The following DYNC2H1 variants were observed in gnomAD, a reference collection of about 807,000 sequenced individuals.
DYNC2H1 encodes the protein cytoplasmic dynein 2 heavy chain 1.
Under a neutral mutation model 570.0 loss-of-function variants are expected in DYNC2H1, and 410 were observed. The ratio of observed to expected loss-of-function variants is 0.72; its 90% CI spans 0.66 to 0.78. The LOEUF is 0.78. DYNC2H1 is among the 30% of genes least tolerant of loss of function. The pLI is 0.00. For synonymous variants in DYNC2H1, 1,688 were observed against 1,677.6 expected (o/e 1.01, Z -0.15); for missense variants, 4,865 against 5,046.4 (o/e 0.96, Z 1.09).
intron 84 of DYNC2H1, among the ~76,000 whole-genome samples, chr11:103,418,018 AAGATT>A (rs1297953782): frequency 1.6e-4 from 25 of 152,126 alleles, no homozygotes; most frequent in African/African-American, 5.3e-4. Context: ...TTAGCAAACT[AAGATT>A]AGAAGTGAAC....
intron 84 of DYNC2H1, among the ~76,000 whole-genome samples, chr11:103,426,076 G>A (rs564514097): frequency 5.3e-5 from 8 of 150,710 alleles, no homozygotes; most frequent in East Asian, 2.0e-4. Flanking sequence ...GGCTTAAGGC[G>A]TTCCTAAACC....
intron 75 of DYNC2H1, among the ~76,000 whole-genome samples, chr11:103,290,802 C>T (rs1001993546): frequency 1.3e-5 from 2 of 152,080 alleles, no homozygotes; most frequent in African/African-American, 4.8e-5. Flanking sequence ...CTCAAGGGTT[C>T]ATAATATTCT....
Position 103,133,623 on chromosome 11 carries a change from T to G in DYNC2H1, c.2022T>G (p.Tyr674Ter). ...TWDNPKELEG[Y>*]IQKLQNAAER... ...ATAATCCTAAAGAATTAGAAGGCTA[T>G]ATCCAAAAACTCCAAAATGCTGCTG... The change falls in exon 14 of 89, where the codon TAT (tyrosine) becomes TAG (stop). Residue 674 changes from tyrosine (Y) to a stop codon, truncating the protein, a stop_gained. Coordinates refer to ENST00000375735, the MANE Select transcript of DYNC2H1 (RefSeq NM_001377.3). LOFTEE classifies it high-confidence loss of function. This position sits in a 1 kb window ranked among gnomAD's most constrained non-coding sequence, Gnocchi z 4.8. The G allele has an allele frequency of 6.2e-7, 1 of 1,613,030 alleles. No homozygotes were observed. Among genetic ancestry groups the G allele is most frequent in the Non-Finnish European group, 8.5e-7 (1 of 1,179,626 alleles).
rs576131731 is a variant in DYNC2H1 at position 103,156,436 on chromosome 11, C to T, written c.3793C>T (p.Arg1265Cys). The T allele has an allele frequency of 3.2e-5, 52 of 1,613,566 alleles. No homozygotes were observed. The highest frequency in any genetic ancestry group is 2.5e-4 in the South Asian group (23 of 91,036). Reference sequence around the variant, plus strand: ...TGAAGTTACAATCAGAGAAGCTTTACGTGAACTTGATCTTTGGGGAGTTGG... The same window carrying T: ...TGAAGTTACAATCAGAGAAGCTTTATGTGAACTTGATCTTTGGGGAGTTGG... ...QGEVTIREALRELDLWGVGAV... is the reference protein window; with the variant it reads ...QGEVTIREALCELDLWGVGAV... Residue 1265 changes from arginine to cysteine, a missense_variant, in exon 26 of 89, where the codon CGT (arginine) becomes TGT (cysteine). Coordinates refer to ENST00000375735, the MANE Select transcript of DYNC2H1 (RefSeq NM_001377.3).
At chr11:103,355,353 GTAAATAATC>G (rs1385711981) in intron 82 of DYNC2H1, among the ~76,000 whole-genome samples, 1 of 152,080 alleles carries the variant, frequency 6.6e-6, no homozygotes, top group Non-Finnish European at 1.5e-5. Context: ...TAACAAAAAT[GTAAATAATC>G]TACTAGGATA....
chr11:103,156,410 G>A lies in DYNC2H1; in HGVS notation c.3767G>A (p.Gly1256Asp). Residue 1256 changes from glycine (G) to aspartate (D), a missense_variant, in exon 26 of 89, where the codon GGT becomes GAT. Gly to Asp is a moderately conservative substitution (Grantham distance 94). This residue lies in a region of DYNC2H1 where 1,936 missense variants were observed against 1,962.1 expected (regional missense o/e 0.99). Transcript: ENST00000375735. ...TAGGATTTAAATAGTCGGGCACAAG[G>A]TGAAGTTACAATCAGAGAAGCTTTA... is the stretch of plus-strand genomic sequence containing the variant. ...DLKDLNSRAQ[G>D]EVTIREALRE... The A allele has an allele frequency of 6.2e-7, 1 of 1,613,420 alleles. No homozygotes were observed. Among genetic ancestry groups the A allele is most frequent in the Non-Finnish European group, 8.5e-7 (1 of 1,179,634 alleles).
At chr11:103,442,393 A>G (rs1225971723) in intron 85 of DYNC2H1, among the ~76,000 whole-genome samples, 2 of 152,170 alleles carry the variant, frequency 1.3e-5, no homozygotes, top group Admixed American at 6.5e-5. Flanking sequence ...CCATCACAGT[A>G]TGAACTTAGG....
At chr11:103,222,214 A>C in intron 58 of DYNC2H1, 61 bp downstream of exon 58, 1 of 1,217,852 alleles carries the variant, frequency 8.2e-7, no homozygotes, top group South Asian at 1.8e-5. Flanking sequence ...CTGCTTTTTA[A>C]AATGTGGTGC....
At chr11:103,171,261 CT>C (rs1464035686) in intron 34 of DYNC2H1, among the ~76,000 whole-genome samples, 193 bp downstream of exon 34, 4 of 150,790 alleles carry the variant, frequency 2.7e-5, no homozygotes, top group African/African-American at 4.9e-5. Flanking sequence ...TTTCATTATT[CT>C]TTTTTTTTGG....
rs772301450 is a variant in DYNC2H1 at position 103,311,950 on chromosome 11, G to A, written c.11566G>A (p.Asp3856Asn). 1.2e-6 allele frequency: 2 copies of A among 1,613,750 alleles called. No individual in the cohort carries two copies. Among genetic ancestry groups the A allele is most frequent in the Admixed American group, 1.7e-5 (1 of 59,980 alleles). ...GACTCCTGAGCAAATTAGCAAAAAA[G>A]ATAATACACATCGAGCTCATGCTCT... ...SWTPEQISKK[D>N]NTHRAHALFS... The change falls in exon 79 of 89, where the codon GAT becomes AAT. Residue 3856 changes from aspartate (D) to asparagine (N), a missense_variant. Physicochemically the swap from Asp to Asn is conservative, Grantham distance 23. This residue lies in a region of DYNC2H1 where 2,401 missense variants were observed against 2,454.6 expected (regional missense o/e 0.98). Coordinates refer to ENST00000375735, the MANE Select transcript of DYNC2H1 (RefSeq NM_001377.3).
In DYNC2H1 at chr11:103,203,988, A is replaced by G. The variant is rs967701458; in HGVS notation, c.8311+212A>G. Among the ~76,000 whole-genome samples, 1 of 152,164 alleles carries G rather than the reference A, an allele frequency of 6.6e-6. No homozygotes were observed. The highest frequency in any genetic ancestry group is 1.5e-5 in the Non-Finnish European group (1 of 68,026). On this transcript the variant is annotated intron_variant, in intron 51 of 88. Coordinates refer to ENST00000375735, the MANE Select transcript of DYNC2H1 (RefSeq NM_001377.3). This position sits in a 1 kb window ranked among gnomAD's most constrained non-coding sequence, Gnocchi z 4.7. ...TCCACTACTGATAAAGACTTACCTG[A>G]CACTGAGCAATTTACAAAAGAAAGA...
At position 103,307,731 on chromosome 11, in the gene DYNC2H1, C is replaced by T; in HGVS notation, c.11393C>T (p.Thr3798Ile). ...GGTTTTGTAAACAAGGAATTGAATA[C>T]TCTTCAACCTAAAGATACCTTTCGT... is the stretch of plus-strand genomic sequence containing the variant. ...WLPVLEKELNTLQPKDTFRLW... is the reference protein window; with the variant it reads ...WLPVLEKELNILQPKDTFRLW... Residue 3798 changes from threonine (T) to isoleucine (I), a missense_variant, in exon 78 of 89, where the codon ACT becomes ATT. Physicochemically the swap from Thr to Ile is moderately conservative, Grantham distance 89 (BLOSUM62 -1). Transcript: ENST00000375735. 3 of 1,586,870 alleles carry T rather than the reference C, an allele frequency of 1.9e-6. No homozygotes were observed. Among genetic ancestry groups the T allele is most frequent in the Non-Finnish European group, 2.6e-6 (3 of 1,164,648 alleles).
chr11:103,219,515 G>A (rs917913749), intron 55 of DYNC2H1, among the ~76,000 whole-genome samples: 1 of 152,158 alleles, frequency 6.6e-6, no homozygotes, highest in Admixed American at 6.5e-5. Context: ...GTGAGGCTGA[G>A]GTAGGAGAAT....
At position 103,185,660 on chromosome 11, in the gene DYNC2H1, C is replaced by T. The variant is rs1401201866; in HGVS notation, c.6634-582C>T. On this transcript the variant is annotated intron_variant, in intron 41 of 88. Coordinates refer to ENST00000375735, the MANE Select transcript of DYNC2H1 (RefSeq NM_001377.3). The surrounding 1 kb of genome is among the most constrained non-coding windows in gnomAD (Gnocchi z 4.5). ...TTTACTGCTTTCTCTATTCCGTCTC[C>T]CTTTCCATGGCTGTCCTGTTGCCTC... 6.6e-6 allele frequency among the ~76,000 whole-genome samples: 1 copy of T among 151,760 alleles called. No individual in the cohort carries two copies. The highest frequency in any genetic ancestry group is 2.4e-5 in the African/African-American group (1 of 41,342).
chr11:103,125,416 A>T, intron 12 of DYNC2H1, 121 bp downstream of exon 12: 1 of 725,994 alleles, frequency 1.4e-6, no homozygotes, highest in Non-Finnish European at 2.1e-6. Context: ...CCAGCTGTGA[A>T]ATTATGTTTT....
chr11:103,438,636 T>C (rs1022875163), intron 85 of DYNC2H1, among the ~76,000 whole-genome samples: 6 of 152,122 alleles, frequency 3.9e-5, no homozygotes, highest in Non-Finnish European at 8.8e-5. Flanking sequence ...ATCATGCCAG[T>C]TTATTACAGG....
intron 83 of DYNC2H1, among the ~76,000 whole-genome samples, chr11:103,367,273 C>G (rs780063989): frequency 1.3e-5 from 2 of 152,006 alleles, no homozygotes; most frequent in African/African-American, 2.4e-5. Flanking sequence ...TGCTAGAATG[C>G]TTTTTCATCA....
At chr11:103,167,045 A>G (rs564483936) in intron 31 of DYNC2H1, among the ~76,000 whole-genome samples, 114 of 99,192 alleles carry the variant, frequency 1.1e-3, no homozygotes, top group African/African-American at 4.6e-3. Flanking sequence ...CATAATTTCT[A>G]CTGCTCTGTC....
intron 12 of DYNC2H1, 90 bp downstream of exon 12, chr11:103,125,385 T>TTTTA: frequency 1.2e-6 from 1 of 869,308 alleles, no homozygotes; most frequent in African/African-American, 1.8e-5. Flanking sequence ...TTTTTTTTTT[T>TTTTA]AGGCTCATAG....
Sources: allele counts gnomAD v4.1 joint callset (sites outside exome capture counted in the v4.1 genomes callset), GRCh38; gene constraint gnomAD v4.1.1; regional missense constraint gnomAD v4.1.1; non-coding constraint Gnocchi (gnomAD v3.1); transcripts MANE v1.5; gene names NCBI Gene and HGNC (gene_info 2026-07-23, HGNC 2026-07-21).